Variants in ELF5 observed in about 807,000 individuals in gnomAD.
ELF5 encodes E74 like ETS transcription factor 5.
A neutral mutation model predicts 38.2 loss-of-function variants in ELF5; 31 were observed. That is an observed-to-expected ratio of 0.81 (90% CI 0.61 to 1.10). The LOEUF (loss-of-function observed/expected upper bound fraction) is 1.10, where lower values mean the gene tolerates loss of function less well. ELF5 is among the 50% of genes least tolerant of loss of function. The pLI, the probability that ELF5 is intolerant of heterozygous loss-of-function variation, is 0.00. For missense variants in ELF5, 300 were observed against 306.6 expected, an observed-to-expected ratio of 0.98 and a Z score of 0.16; for synonymous variants, 121 against 112.5, an observed-to-expected ratio of 1.08 and a Z score of -0.48.
chr11:34,484,822 T>C (rs1300162298), intron 4 of ELF5, among the ~76,000 whole-genome samples: 3 of 152,172 alleles, frequency 2.0e-5, no homozygotes, highest in African/African-American at 4.8e-5. Context: ...AATGGTTCCA[T>C]TGAGGCAAGG....
In ELF5 at chr11:34,492,292, GC is replaced by G. The variant is rs1314727936; in HGVS notation, c.355+1186del. The G allele has an allele frequency of 4.6e-5, 7 of 152,372 alleles. No individual in the cohort carries two copies. In the East Asian group the frequency reaches 1.4e-3, roughly 29 times the overall value. The allele number at this position is 152,372 out of a possible 1,614,324, so 9.4% of individuals were successfully genotyped here. On this transcript the variant is annotated intron_variant, in intron 3 of 6. Transcript: ENST00000257832. ...AAGGGCCACCATTCTTAGCTTTTCT[GC>G]CTTCAAGCGCTCATGATGGATGAGG...
chr11:34,503,466 C>CTT (rs11398352), intron 2 of ELF5, among the ~76,000 whole-genome samples: 4 of 140,014 alleles, frequency 2.9e-5, no homozygotes, highest in Non-Finnish European at 4.6e-5. Context: ...GCTCCCCAAC[C>CTT]TTTTTTTTTT....
intron 2 of ELF5, among the ~76,000 whole-genome samples, chr11:34,494,455 G>A (rs1850265379): frequency 6.6e-6 from 1 of 152,236 alleles, no homozygotes; most frequent in South Asian, 2.1e-4. Flanking sequence ...GTGGTCATGG[G>A]AGAGTTGGTT....
intron 4 of ELF5, among the ~76,000 whole-genome samples, chr11:34,482,845 T>C (rs1020567805): frequency 2.0e-5 from 3 of 152,246 alleles, no homozygotes; most frequent in South Asian, 4.1e-4. Context: ...TGCTCCTGTG[T>C]GGAGAACAGA....
intron 4 of ELF5, among the ~76,000 whole-genome samples, chr11:34,484,596 C>A (rs1849935038): frequency 2.0e-5 from 3 of 152,014 alleles, no homozygotes; most frequent in African/African-American, 7.3e-5. Context: ...GAAGGAAGGG[C>A]AGGAATGACA....
chr11:34,489,026 C>A (rs1454183802), intron 4 of ELF5, among the ~76,000 whole-genome samples: 1 of 152,196 alleles, frequency 6.6e-6, no homozygotes, highest in African/African-American at 2.4e-5. Flanking sequence ...CCCGGGGCCC[C>A]GAGTGATGAA....
intron 6 of ELF5, among the ~76,000 whole-genome samples, 181 bp from the exon 7 acceptor site, chr11:34,480,495 C>T (rs7949972): frequency 0.38 from 58,249 of 151,838 alleles, 11,424 homozygotes; most frequent in South Asian, 0.5. Context: ...AAGACTGAAC[C>T]TCACCATTCT....
chr11:34,487,927 T>C (rs990052483), intron 4 of ELF5, among the ~76,000 whole-genome samples: 1 of 152,176 alleles, frequency 6.6e-6, no homozygotes, highest in African/African-American at 2.4e-5. Context: ...CTGGCCTTCT[T>C]TGGTTCTTTC....
At chr11:34,511,870 T>TTTTTTAATGATACG in intron 1 of ELF5, 5 of 435,062 alleles carry the variant, frequency 1.1e-5, no homozygotes, top group South Asian at 6.3e-5. Flanking sequence ...ACTCTGGGCA[T>TTTTTTAATGATACG]GTGACCAAAA....
chr11:34,513,055 C>T (rs1472212758), intron 1 of ELF5, among the ~76,000 whole-genome samples: 1 of 152,236 alleles, frequency 6.6e-6, no homozygotes, highest in Non-Finnish European at 1.5e-5. Context: ...GGCAACCCCA[C>T]AGAAACCCCA....
rs368063633 is a variant in ELF5 at position 34,501,879 on chromosome 11, C to G, written c.121+3750G>C. 7.2e-5 allele frequency among the ~76,000 whole-genome samples: 11 copies of G among 152,196 alleles called. No homozygotes were observed. The East Asian group carries it at 7.7e-4, about 11-fold the overall frequency. On this transcript the variant is annotated intron_variant, in intron 2 of 6. Coordinates refer to ENST00000257832, the MANE Select transcript of ELF5 (RefSeq NM_001422.4). ...GGCTGAGTATTCCACCCTTCCCTCT[C>G]CTAGACATCATTTGTCTAGAAGGCA...
intron 1 of ELF5, among the ~76,000 whole-genome samples, chr11:34,510,335 A>G (rs1850722463): frequency 1.3e-5 from 2 of 149,726 alleles, no homozygotes; most frequent in African/African-American, 4.9e-5. Flanking sequence ...TTCCTGTTAC[A>G]GCAGGAGTGG....
chr11:34,480,695 A>G lies in ELF5; in HGVS notation c.671+77T>C, dbSNP rs528917422. The G allele has an allele frequency of 8.7e-5, 131 of 1,500,248 alleles. 1 individual carries two copies. In the African/African-American group the frequency reaches 1.7e-3, roughly 19 times the overall value. The allele number at this position is 1,500,248 out of a possible 1,614,324, so 92.9% of individuals were successfully genotyped here. On this transcript the variant is annotated intron_variant, in intron 6 of 6. Transcript: ENST00000257832. Reference sequence around the variant, plus strand: ...ATTATCAAGTAAAAAACCTGCAAAAACAGTGTAATTTTCTACAGCCAGCCA... The same window carrying G: ...ATTATCAAGTAAAAAACCTGCAAAAGCAGTGTAATTTTCTACAGCCAGCCA...
chr11:34,481,641 C>A (rs1856945472), intron 5 of ELF5, among the ~76,000 whole-genome samples: 1 of 152,160 alleles, frequency 6.6e-6, no homozygotes, highest in Non-Finnish European at 1.5e-5. Context: ...GATTCCACAG[C>A]CACAACTGTC....
chr11:34,482,359 T>C (rs1564973159), intron 5 of ELF5, 72 bp downstream of exon 5: 1 of 1,406,348 alleles, frequency 7.1e-7, no homozygotes, highest in East Asian at 2.4e-5. Flanking sequence ...TTTCAAAGCT[T>C]ATTAAAGTAG....
intron 2 of ELF5, among the ~76,000 whole-genome samples, chr11:34,496,453 C>T (rs79388381): frequency 6.6e-6 from 1 of 152,120 alleles, no homozygotes; most frequent in Non-Finnish European, 1.5e-5. Context: ...AGACGAGGGA[C>T]GCCGCTGTCA....
intron 4 of ELF5, among the ~76,000 whole-genome samples, chr11:34,489,152 C>A (rs1850092474): frequency 6.6e-6 from 1 of 152,206 alleles, no homozygotes; most frequent in Admixed American, 6.5e-5. Context: ...TGCTAAAGCA[C>A]CAAAAACAAA....
chr11:34,511,516 C>T, intron 1 of ELF5: 1 of 1,614,220 alleles, frequency 6.2e-7, no homozygotes, highest in Non-Finnish European at 8.5e-7. Flanking sequence ...GGGCTCACTT[C>T]ACACATGAGA....
At chr11:34,493,223 C>A in intron 3 of ELF5, 1 of 596,826 alleles carries the variant, frequency 1.7e-6, no homozygotes, top group South Asian at 2.0e-5. Context: ...GGTGCCTGGG[C>A]AGTCCCTGAA....
Sources: allele counts gnomAD v4.1 joint callset (sites outside exome capture counted in the v4.1 genomes callset), GRCh38; gene constraint gnomAD v4.1.1; transcripts MANE v1.5; gene names NCBI Gene and HGNC (gene_info 2026-07-23, HGNC 2026-07-21).